Variants in SORCS3 observed in about 807,000 individuals in gnomAD.
The protein encoded by SORCS3 is VPS10 domain-containing receptor SorCS3.
In SORCS3, 57 loss-of-function variants were observed where a neutral mutation model predicts 146.3. The observed-to-expected ratio is 0.39, with a 90% CI of 0.31 to 0.49. The LOEUF (loss-of-function observed/expected upper bound fraction) is 0.49, where lower values mean the gene tolerates loss of function less well. Ranked by LOEUF, SORCS3 falls within the 20% of genes least tolerant of loss-of-function variation. The pLI is 0.92. For synonymous variants in SORCS3, 653 were observed against 618.5 expected (o/e 1.06, Z -0.83); for missense variants, 1,341 against 1,575.5 (o/e 0.85, Z 2.52).
intron 22 of SORCS3, among the ~76,000 whole-genome samples, chr10:105,250,280 G>T (rs73352826): frequency 1.3e-5 from 2 of 152,060 alleles, no homozygotes; most frequent in African/African-American, 4.8e-5. Flanking sequence ...GAATGGGGGT[G>T]GGGGGTGCAA....
At chr10:105,200,743 A>G (rs1035108617) in intron 15 of SORCS3, among the ~76,000 whole-genome samples, 1 of 152,190 alleles carries the variant, frequency 6.6e-6, no homozygotes, top group African/African-American at 2.4e-5. Flanking sequence ...AGACCATGTG[A>G]AAAATGTGCC....
chr10:105,141,525 G>T (rs2056095165), intron 8 of SORCS3, among the ~76,000 whole-genome samples: 1 of 152,168 alleles, frequency 6.6e-6, no homozygotes, highest in South Asian at 2.1e-4. Context: ...AGAAACAAAG[G>T]CATGAAAAGC....
chr10:105,145,424 A>C (rs536979303), intron 8 of SORCS3, among the ~76,000 whole-genome samples: 22 of 151,270 alleles, frequency 1.5e-4, no homozygotes, highest in Non-Finnish European at 2.8e-4. Context: ...ATGCACTCAC[A>C]GCAAACCTGG....
intron 14 of SORCS3, among the ~76,000 whole-genome samples, chr10:105,193,778 C>T (rs1224338038): frequency 6.6e-6 from 1 of 152,142 alleles, no homozygotes; most frequent in Non-Finnish European, 1.5e-5. Flanking sequence ...CTGCCCAGTA[C>T]TCTTGCGACC....
At position 104,913,766 on chromosome 10, in the gene SORCS3, CTTTTTTTTTTT is replaced by C. The variant is rs35484660; in HGVS notation, c.696-2055_696-2045del. 8.4e-3 allele frequency among the ~76,000 whole-genome samples: 894 copies of C among 106,472 alleles called. 13 individuals are homozygous for C. The highest frequency in any genetic ancestry group is 0.033 in the African/African-American group (872 of 26,400). The allele number at this position is 106,472 out of a possible 152,430, so 69.8% of individuals were successfully genotyped here. On this transcript the variant is annotated intron_variant, in intron 2 of 26. Coordinates refer to ENST00000369701, the MANE Select transcript of SORCS3 (RefSeq NM_014978.3). Reference sequence around the variant, plus strand: ...CTCATGAGACTAAATTATCCCCATTCTTTTTTTTTTTTTTTTTTTTTTCCGAGACGGAGTCT... The same window carrying C: ...CTCATGAGACTAAATTATCCCCATTCTTTTTTTTTTTCCGAGACGGAGTCT...
intron 2 of SORCS3, among the ~76,000 whole-genome samples, chr10:104,868,524 C>T (rs1038481891): frequency 6.6e-6 from 1 of 152,198 alleles, no homozygotes; most frequent in Non-Finnish European, 1.5e-5. Flanking sequence ...TCAAGCTAGT[C>T]CATACTCATG....
At chr10:105,188,826 A>T (rs2056495535) in intron 14 of SORCS3, among the ~76,000 whole-genome samples, 1 of 152,220 alleles carries the variant, frequency 6.6e-6, no homozygotes, top group Non-Finnish European at 1.5e-5. Flanking sequence ...CAAATTAATG[A>T]CATCCAGCCA....
intron 1 of SORCS3, among the ~76,000 whole-genome samples, chr10:104,721,316 G>A (rs1342327524): frequency 6.6e-6 from 1 of 152,116 alleles, no homozygotes; most frequent in Non-Finnish European, 1.5e-5. Context: ...TGAGGGCTCT[G>A]TTCTGTTCCA....
intron 1 of SORCS3, among the ~76,000 whole-genome samples, chr10:104,733,760 A>G (rs1427772881): frequency 6.6e-6 from 1 of 151,876 alleles, no homozygotes; most frequent in Non-Finnish European, 1.5e-5. Context: ...CAAAGATTTC[A>G]TTTTCTTTTT....
At chr10:105,156,334 T>C (rs2056208751) in intron 9 of SORCS3, among the ~76,000 whole-genome samples, 1 of 152,234 alleles carries the variant, frequency 6.6e-6, no homozygotes, top group African/African-American at 2.4e-5. Flanking sequence ...GCCCAGCATA[T>C]AGAATATAAG....
intron 2 of SORCS3, among the ~76,000 whole-genome samples, chr10:104,882,232 G>A (rs1391927182): frequency 6.6e-6 from 1 of 152,192 alleles, no homozygotes; most frequent in African/African-American, 2.4e-5. Flanking sequence ...ATCTTGGAAT[G>A]AAACATCTGA....
chr10:104,683,254 A>G (rs2016001455), intron 1 of SORCS3, among the ~76,000 whole-genome samples: 1 of 152,206 alleles, frequency 6.6e-6, no homozygotes, highest in Admixed American at 6.5e-5. Context: ...ACAGTACTCA[A>G]ATAGGAAGTT....
At chr10:105,245,997 G>A (rs2056864276) in intron 21 of SORCS3, among the ~76,000 whole-genome samples, 1 of 152,248 alleles carries the variant, frequency 6.6e-6, no homozygotes, top group African/African-American at 2.4e-5. Context: ...TGTGAGATGA[G>A]GACCAGCAAT....
intron 16 of SORCS3, among the ~76,000 whole-genome samples, chr10:105,205,632 C>G (rs1411895058): frequency 1.3e-5 from 2 of 148,956 alleles, no homozygotes; most frequent in Non-Finnish European, 2.9e-5. Context: ...TCCAGGAGAC[C>G]TGAATTCACT....
At chr10:105,156,289 G>T (rs697189) in intron 9 of SORCS3, among the ~76,000 whole-genome samples, 72,838 of 152,086 alleles carry the variant, frequency 0.48, 17,989 homozygotes, top group Non-Finnish European at 0.53. Flanking sequence ...TTTCTTTGAT[G>T]CAGGATGTTG....
At chr10:105,244,330 AC>A (rs2056853552) in intron 20 of SORCS3, among the ~76,000 whole-genome samples, 1 of 152,072 alleles carries the variant, frequency 6.6e-6, no homozygotes, top group East Asian at 1.9e-4. Flanking sequence ...TTTGAAATGT[AC>A]AGGTCCACTT....
chr10:105,227,785 A>G (rs1388253702), intron 20 of SORCS3, among the ~76,000 whole-genome samples: 1 of 152,044 alleles, frequency 6.6e-6, no homozygotes, highest in Non-Finnish European at 1.5e-5. Flanking sequence ...TCCCTTTATC[A>G]TTATATAATG....
chr10:105,224,938 C>T (rs1187077592), intron 20 of SORCS3, among the ~76,000 whole-genome samples: 4 of 152,012 alleles, frequency 2.6e-5, no homozygotes, highest in South Asian at 2.1e-4. Context: ...CAGATTGTTC[C>T]ATTACTTATT....
intron 2 of SORCS3, among the ~76,000 whole-genome samples, chr10:104,904,290 T>A (rs1019086134): frequency 6.6e-6 from 1 of 152,200 alleles, no homozygotes; most frequent in Admixed American, 6.5e-5. Context: ...ATGCCCAATG[T>A]TGCAAGCATG....
Sources: allele counts gnomAD v4.1 joint callset (sites outside exome capture counted in the v4.1 genomes callset), GRCh38; gene constraint gnomAD v4.1.1; transcripts MANE v1.5; gene names NCBI Gene and HGNC (gene_info 2026-07-23, HGNC 2026-07-21).